The following ALK variants were observed in gnomAD, a reference collection of about 807,000 sequenced individuals.
The protein encoded by ALK is ALK receptor tyrosine kinase.
Under a neutral mutation model 163.1 loss-of-function variants are expected in ALK, and 74 were observed. That is an observed-to-expected ratio of 0.45 (90% CI 0.38 to 0.55). The LOEUF (loss-of-function observed/expected upper bound fraction) is 0.55. Among genes scored for constraint, ALK ranks in the 20% least tolerant of loss-of-function variants. The pLI is 0.00. For missense variants in ALK, 2,063 were observed against 2,105.3 expected, an observed-to-expected ratio of 0.98 and a Z score of 0.39; for synonymous variants, 960 against 843.2, an observed-to-expected ratio of 1.14 and a Z score of -2.40.
At chr2:29,533,099 A>G (rs1294769980) in intron 3 of ALK, among the ~76,000 whole-genome samples, 1 of 152,234 alleles carries the variant, frequency 6.6e-6, no homozygotes, top group East Asian at 1.9e-4. Flanking sequence ...CAGGAATTGG[A>G]GGTTTCCAAC....
At chr2:29,320,269 A>G (rs6727236) in intron 7 of ALK, among the ~76,000 whole-genome samples, 22,722 of 152,130 alleles carry the variant, frequency 0.15, 1,765 homozygotes, top group African/African-American at 0.16. Flanking sequence ...GGGGTGAGGT[A>G]GGGGGATGGC....
At chr2:29,714,963 T>C (rs1241680446) in intron 2 of ALK, among the ~76,000 whole-genome samples, 2 of 152,108 alleles carry the variant, frequency 1.3e-5, no homozygotes, top group South Asian at 2.1e-4. Context: ...TCAACATCTG[T>C]ACTCTGAGGT....
chr2:29,880,338 T>C (rs1385205866), intron 1 of ALK, among the ~76,000 whole-genome samples: 1 of 152,106 alleles, frequency 6.6e-6, no homozygotes, highest in African/African-American at 2.4e-5. Context: ...AGGGCAGGAA[T>C]GGGGTGATGG....
Position 29,422,275 on chromosome 2 carries a change from G to A in ALK, c.1155-38416C>T, listed in dbSNP as rs952333456. The stretch of plus-strand genomic sequence containing the variant: ...AGCAAAATCAAGTGAGTTCCAGGAG[G>A]GTTTCTTGGGTCTCCTGACTTTCTT... On this transcript the variant is annotated intron_variant, in intron 4 of 28. Coordinates refer to ENST00000389048, the MANE Select transcript of ALK (RefSeq NM_004304.5). Among the ~76,000 whole-genome samples, 45 of 151,598 alleles carry A rather than the reference G, an allele frequency of 3.0e-4. 1 individual carries two copies. Among genetic ancestry groups the A allele is most frequent in the African/African-American group, 9.5e-4 (39 of 40,866 alleles).
intron 5 of ALK, among the ~76,000 whole-genome samples, chr2:29,357,811 A>G (rs1217258065): frequency 6.6e-6 from 1 of 152,208 alleles, no homozygotes; most frequent in Non-Finnish European, 1.5e-5. Context: ...GAGGGGTAGG[A>G]GGAAAGGATT....
chr2:29,757,433 G>C (rs1235396193), intron 1 of ALK, among the ~76,000 whole-genome samples: 1 of 152,184 alleles, frequency 6.6e-6, no homozygotes, highest in Non-Finnish European at 1.5e-5. Context: ...GTGTGATCCA[G>C]AGCTCATACT....
intron 3 of ALK, among the ~76,000 whole-genome samples, chr2:29,662,780 A>T (rs963275230): frequency 9.9e-5 from 15 of 152,198 alleles, no homozygotes; most frequent in Admixed American, 6.5e-5. Flanking sequence ...GCATTTTTCC[A>T]AATAAAGACA....
At chr2:29,748,540 A>G (rs570756436) in intron 1 of ALK, among the ~76,000 whole-genome samples, 2 of 152,214 alleles carry the variant, frequency 1.3e-5, no homozygotes, top group South Asian at 2.1e-4. Context: ...AACACTATAC[A>G]TTGAATAGGA....
At chr2:29,215,480 G>A (rs1465649475) in intron 23 of ALK, among the ~76,000 whole-genome samples, 1 of 152,176 alleles carries the variant, frequency 6.6e-6, no homozygotes, top group Non-Finnish European at 1.5e-5. Context: ...ATGATCTGCT[G>A]TGTGGTAGGT....
At position 29,574,397 on chromosome 2, in the gene ALK, C is replaced by T. The variant is rs1290290385; in HGVS notation, c.953-42281G>A. 2.0e-5 allele frequency among the ~76,000 whole-genome samples: 3 copies of T among 152,234 alleles called. No individual in the cohort carries two copies. The East Asian group carries it at 5.8e-4, about 29-fold the overall frequency. On this transcript the variant is annotated intron_variant, in intron 3 of 28. Transcript: ENST00000389048. ...AAGTATCACCAACATGGGCCTCTTC[C>T]CACCTGTCTGTGCTGGTGTTCTCTG...
chr2:29,543,136 G>A (rs540547108), intron 3 of ALK, among the ~76,000 whole-genome samples: 12 of 152,228 alleles, frequency 7.9e-5, no homozygotes, highest in South Asian at 6.2e-4. Flanking sequence ...CCAGAGGACA[G>A]AAGTTTTTAT....
chr2:29,761,040 G>C (rs573545431), intron 1 of ALK, among the ~76,000 whole-genome samples: 1 of 152,158 alleles, frequency 6.6e-6, no homozygotes, highest in Non-Finnish European at 1.5e-5. Flanking sequence ...CCTGCCTGGG[G>C]ACATAGAGCC....
intron 3 of ALK, among the ~76,000 whole-genome samples, chr2:29,571,577 T>C (rs182304074): frequency 6.7e-6 from 1 of 149,274 alleles, no homozygotes; most frequent in Admixed American, 6.6e-5. Context: ...CTTTCCTTTA[T>C]AAATTACCTA....
At chr2:29,691,639 A>G (rs1678398987) in intron 3 of ALK, among the ~76,000 whole-genome samples, 1 of 152,172 alleles carries the variant, frequency 6.6e-6, no homozygotes, top group Non-Finnish European at 1.5e-5. Flanking sequence ...ATATGTTTCC[A>G]TGCTAAAGAA....
At chr2:29,207,055 C>T (rs1669329727) in intron 26 of ALK, 116 bp downstream of exon 26, 1 of 793,104 alleles carries the variant, frequency 1.3e-6, no homozygotes, top group African/African-American at 1.7e-5. Context: ...TGTATTGATT[C>T]TTCTCTTTTC....
At chr2:29,457,288 T>C (rs770950649) in intron 4 of ALK, among the ~76,000 whole-genome samples, 18 of 152,114 alleles carry the variant, frequency 1.2e-4, no homozygotes, top group Non-Finnish European at 2.5e-4. Context: ...GGTGAGTCAC[T>C]GCATCTGCCC....
intron 1 of ALK, among the ~76,000 whole-genome samples, chr2:29,756,082 C>T (rs1331281028): frequency 2.0e-5 from 3 of 152,234 alleles, no homozygotes; most frequent in African/African-American, 4.8e-5. Context: ...AAGGAGCCCA[C>T]ATCCTTGGGC....
intron 5 of ALK, among the ~76,000 whole-genome samples, chr2:29,366,128 T>G (rs1279646183): frequency 6.6e-6 from 1 of 152,100 alleles, no homozygotes; most frequent in Non-Finnish European, 1.5e-5. Flanking sequence ...AAGCTAAACT[T>G]TGAATATCTG....
At chr2:29,827,850 C>A (rs1331966149) in intron 1 of ALK, among the ~76,000 whole-genome samples, 1 of 152,206 alleles carries the variant, frequency 6.6e-6, no homozygotes, top group Non-Finnish European at 1.5e-5. Context: ...AAAGAGCCCG[C>A]ATTTCCAAGT....
Sources: allele counts gnomAD v4.1 joint callset (sites outside exome capture counted in the v4.1 genomes callset), GRCh38; gene constraint gnomAD v4.1.1; transcripts MANE v1.5; gene names NCBI Gene and HGNC (gene_info 2026-07-23, HGNC 2026-07-21).